The following KIF1A variants were observed in gnomAD, a reference collection of about 807,000 sequenced individuals.
KIF1A encodes kinesin-like protein KIF1A.
Under a neutral mutation model 227.3 loss-of-function variants are expected in KIF1A, and 46 were observed. The ratio of observed to expected loss-of-function variants is 0.20; its 90% CI spans 0.16 to 0.26. KIF1A has a LOEUF of 0.26. KIF1A is among the 10% of genes least tolerant of loss of function. The probability of loss-of-function intolerance (pLI) is 1.00; values close to 1 mark genes in which losing one functional copy is unlikely to be tolerated. For synonymous variants in KIF1A, 1,022 were observed against 1,012.8 expected (o/e 1.01, Z -0.17); for missense variants, 1,683 against 2,485.9 (o/e 0.68, Z 6.87).
intron 1 of KIF1A, among the ~76,000 whole-genome samples, chr2:240,811,295 G>A (rs1156550324): frequency 6.6e-6 from 1 of 152,196 alleles, no homozygotes; most frequent in Non-Finnish European, 1.5e-5. Context: ...AACCCGGGAA[G>A]CAGAGGTTGC....
Position 240,789,284 on chromosome 2 carries a change from C to T in KIF1A, c.135G>A (p.Glu45=), listed in dbSNP as rs1388049002. The T allele has an allele frequency of 6.2e-7, 1 of 1,613,912 alleles. No individual in the cohort carries two copies. Among genetic ancestry groups the T allele is most frequent in the East Asian group, 2.2e-5 (1 of 44,880 alleles). The change falls in exon 3 of 49, where the codon GAG becomes GAA. Residue 45 remains glutamate (E), a synonymous_variant. Coordinates refer to ENST00000498729, the MANE Select transcript of KIF1A (RefSeq NM_001244008.2). This position sits in a 1 kb window ranked among gnomAD's most constrained non-coding sequence, Gnocchi z 4.8. ...TTIVNPKQPK[E]TPKSFSFDYS... ...AGTCAAAGCTGAAGCTTTTGGGCGT[C>T]TCCTTGGGCTGTTTGGGGTTAACAA...
intron 20 of KIF1A, among the ~76,000 whole-genome samples, chr2:240,763,997 C>T (rs968355910): frequency 2.0e-5 from 3 of 152,210 alleles, no homozygotes; most frequent in Admixed American, 6.5e-5. Flanking sequence ...TCAGGGCTGC[C>T]CCATCTGCAG....
At chr2:240,717,717 G>T (rs2044727655) in intron 48 of KIF1A, among the ~76,000 whole-genome samples, 1 of 152,242 alleles carries the variant, frequency 6.6e-6, no homozygotes, top group Non-Finnish European at 1.5e-5. Context: ...TTGAAAGTAT[G>T]GCCTGGGATT....
chr2:240,738,941 C>T (rs151036821), intron 37 of KIF1A, among the ~76,000 whole-genome samples: 76 of 152,360 alleles, frequency 5.0e-4, no homozygotes, highest in African/African-American at 1.8e-3. Context: ...GTGGCCGGGT[C>T]CATAAACCAG....
chr2:240,786,884 C>T (rs1028036812), intron 5 of KIF1A, among the ~76,000 whole-genome samples: 1 of 140,602 alleles, frequency 7.1e-6, no homozygotes, highest in Non-Finnish European at 1.6e-5. Flanking sequence ...TGTGTATGTT[C>T]GAGGCAGGGG....
intron 34 of KIF1A, 48 bp downstream of exon 34, chr2:240,742,881 A>C: frequency 6.5e-7 from 1 of 1,532,602 alleles, no homozygotes; most frequent in Non-Finnish European, 9.0e-7. Flanking sequence ...CAGCACCCAC[A>C]GTGAGGGGAG....
intron 27 of KIF1A, among the ~76,000 whole-genome samples, chr2:240,754,822 C>T (rs1305185440): frequency 6.6e-6 from 1 of 152,162 alleles, no homozygotes; most frequent in Non-Finnish European, 1.5e-5. Flanking sequence ...ACAGAGGGGC[C>T]CCAGCCCACC....
upstream of KIF1A, chr2:240,820,255 G>T (rs1368022062): frequency 5.3e-4 from 80 of 149,790 alleles, 1 homozygote; most frequent in Non-Finnish European, 1.8e-4. This position sits in a 1 kb window ranked among gnomAD's most constrained non-coding sequence, Gnocchi z 6.2. Context: ...CGCGCCCCCG[G>T]CCCGGACCGC....
chr2:240,735,879 T>G (rs1303166651), intron 38 of KIF1A, among the ~76,000 whole-genome samples: 1 of 148,706 alleles, frequency 6.7e-6, no homozygotes, highest in Non-Finnish European at 1.5e-5. Context: ...TTCTCCACCC[T>G]CCTATGGACA....
chr2:240,734,825 G>T, intron 38 of KIF1A: 1 of 1,085,904 alleles, frequency 9.2e-7, no homozygotes, highest in Non-Finnish European at 1.3e-6. Flanking sequence ...GCAGAGGGAA[G>T]CGGCCTGTGG....
At chr2:240,798,594 G>A (rs913390406) in intron 1 of KIF1A, among the ~76,000 whole-genome samples, 5 of 152,220 alleles carry the variant, frequency 3.3e-5, no homozygotes, top group Non-Finnish European at 7.3e-5. Context: ...GTGGTGGTCA[G>A]GAACCCCAAA....
chr2:240,819,674 C>T (rs1333778337), intron 1 of KIF1A, among the ~76,000 whole-genome samples: 2 of 152,044 alleles, frequency 1.3e-5, no homozygotes, highest in Non-Finnish European at 2.9e-5. Flanking sequence ...TCCTCAGCCC[C>T]GCTCACCATC....
chr2:240,810,142 C>A (rs2057749216), intron 1 of KIF1A, among the ~76,000 whole-genome samples: 2 of 151,998 alleles, frequency 1.3e-5, no homozygotes, highest in African/African-American at 4.8e-5. Flanking sequence ...ACCGAAAACA[C>A]CAAAATGAAA....
At chr2:240,735,211 G>A (rs537426709) in intron 38 of KIF1A, among the ~76,000 whole-genome samples, 13 of 152,304 alleles carry the variant, frequency 8.5e-5, no homozygotes, top group Admixed American at 3.3e-4. Context: ...CCGCGCCCAC[G>A]CAACGCGCCT....
At chr2:240,727,006 C>T in intron 38 of KIF1A, 66 bp from the exon 39 acceptor site, 2 of 924,090 alleles carry the variant, frequency 2.2e-6, no homozygotes, top group Middle Eastern at 2.5e-4. Context: ...AGGCCGGGGA[C>T]ATGCAGACAG....
chr2:240,722,844 C>G (rs1296247550), intron 42 of KIF1A, among the ~76,000 whole-genome samples, 188 bp from the exon 43 acceptor site: 4 of 152,176 alleles, frequency 2.6e-5, no homozygotes, highest in South Asian at 4.1e-4. Flanking sequence ...CCGGGGCTGA[C>G]AGCCCTCAGC....
chr2:240,787,421 C>T, intron 4 of KIF1A, 105 bp from the exon 5 acceptor site: 1 of 932,896 alleles, frequency 1.1e-6, no homozygotes. Context: ...GATCCACCCT[C>T]TCAGGCCCCT....
chr2:240,757,691 C>T lies in KIF1A; in HGVS notation c.2583-97G>A, dbSNP rs1329225168. The T allele has an allele frequency of 2.7e-5, 32 of 1,200,736 alleles. No individual in the cohort carries two copies. The highest frequency in any genetic ancestry group is 3.6e-5 in the Non-Finnish European group (31 of 862,854). The allele number at this position is 1,200,736 out of a possible 1,614,324, so 74.4% of individuals were successfully genotyped here. A position where few individuals can be genotyped will look rare whatever the true frequency, so the allele number is the denominator to read the frequency against. The stretch of plus-strand genomic sequence containing the variant: ...GGGGCTGGGGGGCTTCTGTTTAAAA[C>T]CAAAACCAAACACACAGACCATCGA... On this transcript the variant is annotated intron_variant, in intron 26 of 48. Coordinates refer to ENST00000498729, the MANE Select transcript of KIF1A (RefSeq NM_001244008.2). This position sits in a 1 kb window ranked among gnomAD's most constrained non-coding sequence, Gnocchi z 6.2.
In KIF1A at chr2:240,740,077, T is replaced by G; in HGVS notation, c.3882A>C (p.Glu1294Asp). ...ACTCACCCACGACCAGCTCGCGCAC[T>G]TCCTTCCAGCGGATATGGCTGCCTG... ...HETGSHIRWK[E>D]VRELVVGRIR... Residue 1294 changes from glutamate to aspartate, a missense_variant, in exon 37 of 49, where the codon GAA (glutamate) becomes GAC (aspartate). By Grantham distance (45) the Glu-to-Asp change is conservative (BLOSUM62 2). Coordinates refer to ENST00000498729, the MANE Select transcript of KIF1A (RefSeq NM_001244008.2). The surrounding 1 kb of genome is among the most constrained non-coding windows in gnomAD (Gnocchi z 6.1). 6.3e-7 allele frequency: 1 copy of G among 1,588,556 alleles called. No individual in the cohort carries two copies. The highest frequency in any genetic ancestry group is 8.6e-7 in the Non-Finnish European group (1 of 1,167,822).
Sources: allele counts gnomAD v4.1 joint callset (sites outside exome capture counted in the v4.1 genomes callset), GRCh38; gene constraint gnomAD v4.1.1; non-coding constraint Gnocchi (gnomAD v3.1); transcripts MANE v1.5; gene names NCBI Gene and HGNC (gene_info 2026-07-23, HGNC 2026-07-21).